CDH4: variants seen among roughly 807,000 people sequenced by gnomAD.
CDH4 encodes the protein cadherin 4, also known as cadherin-4.
CDH4 carries 33 observed loss-of-function variants against 86.0 expected under a neutral mutation model. The ratio of observed to expected loss-of-function variants is 0.38; its 90% CI spans 0.29 to 0.51. The LOEUF (loss-of-function observed/expected upper bound fraction) is 0.51. Among genes scored for constraint, CDH4 ranks in the 20% least tolerant of loss-of-function variants. The probability of loss-of-function intolerance (pLI) is 0.86; values close to 1 mark genes in which losing one functional copy is unlikely to be tolerated. For missense variants in CDH4, 1,114 were observed against 1,307.4 expected (o/e 0.85, Z 2.28); for synonymous variants, 555 against 549.4 (o/e 1.01, Z -0.14).
chr20:61,660,039 G>A (rs1050144531), intron 2 of CDH4, among the ~76,000 whole-genome samples: 4 of 144,508 alleles, frequency 2.8e-5, no homozygotes, highest in African/African-American at 7.3e-5. Flanking sequence ...TGTGATACCC[G>A]CTCCCAAGGG....
chr20:61,308,112 A>C (rs1225500183), intron 2 of CDH4, among the ~76,000 whole-genome samples: 2 of 152,188 alleles, frequency 1.3e-5, no homozygotes, highest in Non-Finnish European at 2.9e-5. Flanking sequence ...CCAGTGTGTC[A>C]GGGCTGAACC....
intron 2 of CDH4, among the ~76,000 whole-genome samples, chr20:61,583,594 G>A (rs900466142): frequency 1.2e-4 from 18 of 152,158 alleles, no homozygotes; most frequent in Admixed American, 4.6e-4. Flanking sequence ...CTGGGAGCCC[G>A]TGCCCTAGAG....
At chr20:61,353,893 A>G (rs1249363263) in intron 2 of CDH4, among the ~76,000 whole-genome samples, 1 of 151,566 alleles carries the variant, frequency 6.6e-6, no homozygotes, top group East Asian at 2.0e-4. Context: ...TTTGAGCATA[A>G]TGGAGAATGA....
At chr20:61,296,065 A>G (rs1568786407) in intron 2 of CDH4, among the ~76,000 whole-genome samples, 1 of 152,076 alleles carries the variant, frequency 6.6e-6, no homozygotes, top group Non-Finnish European at 1.5e-5. Context: ...CGGTGGGGCA[A>G]GGGGGAGTGG....
chr20:61,331,828 C>G (rs983648461), intron 2 of CDH4, among the ~76,000 whole-genome samples: 1 of 152,172 alleles, frequency 6.6e-6, no homozygotes, highest in Non-Finnish European at 1.5e-5. Flanking sequence ...GGCTTTCTGT[C>G]TCTTCCCCTG....
At chr20:61,827,792 C>T (rs539577491) in intron 4 of CDH4, among the ~76,000 whole-genome samples, 132 of 152,258 alleles carry the variant, frequency 8.7e-4, no homozygotes, top group African/African-American at 2.8e-3. Context: ...CACTCAGAGA[C>T]GACAGGGTCA....
At chr20:61,934,352 T>G in intron 15 of CDH4, 132 bp downstream of exon 15, 1 of 947,120 alleles carries the variant, frequency 1.1e-6, no homozygotes, top group South Asian at 1.9e-5. Flanking sequence ...AGACCCGGGT[T>G]CCAGGCCCTG....
chr20:61,932,975 T>TC lies in CDH4; in HGVS notation c.2240-5dup, dbSNP rs1361935653. On this transcript the variant is annotated splice_polypyrimidine_tract_variant and intron_variant, in intron 13 of 15. Coordinates refer to ENST00000614565, the MANE Select transcript of CDH4 (RefSeq NM_001794.5). ...AGCACACCCTGCTCACGGGCAGCCCTCCCCCACAGCCATGGTCCTGCTGTT... is the reference window on the plus strand; with the variant it reads ...AGCACACCCTGCTCACGGGCAGCCCTCCCCCCACAGCCATGGTCCTGCTGTT... 1 of 1,609,492 alleles carries TC rather than the reference T, an allele frequency of 6.2e-7. No homozygotes were observed. Among genetic ancestry groups the TC allele is most frequent in the East Asian group, 2.2e-5 (1 of 44,750 alleles).
At chr20:61,454,111 G>A (rs1266795047) in intron 2 of CDH4, among the ~76,000 whole-genome samples, 1 of 152,176 alleles carries the variant, frequency 6.6e-6, no homozygotes, top group Non-Finnish European at 1.5e-5. Flanking sequence ...CTAACACATG[G>A]CCATCCTGGT....
intron 4 of CDH4, among the ~76,000 whole-genome samples, chr20:61,822,031 G>A (rs1331084434): frequency 6.6e-6 from 1 of 152,246 alleles, no homozygotes; most frequent in East Asian, 1.9e-4. Flanking sequence ...TTTTTGGCTT[G>A]GATAGTTACT....
At chr20:61,845,400 C>T (rs1037898020) in intron 5 of CDH4, among the ~76,000 whole-genome samples, 26 of 152,202 alleles carry the variant, frequency 1.7e-4, no homozygotes, top group African/African-American at 5.3e-4. Flanking sequence ...CGTGGGGCTG[C>T]GGCCTCAGCT....
intron 2 of CDH4, among the ~76,000 whole-genome samples, chr20:61,697,566 C>A (rs2087727917): frequency 6.6e-6 from 1 of 152,154 alleles, no homozygotes; most frequent in Admixed American, 6.5e-5. Context: ...CCACTGCACT[C>A]CAGCCTGGGC....
chr20:61,274,865 G>T (rs1221580921), intron 2 of CDH4, among the ~76,000 whole-genome samples: 1 of 140,492 alleles, frequency 7.1e-6, no homozygotes, highest in Non-Finnish European at 1.5e-5. Context: ...GCATGCGGTT[G>T]TTTGGGAGAG....
Position 61,508,086 on chromosome 20 carries a change from C to T in CDH4, c.170-235477C>T, listed in dbSNP as rs371418541. 1.1e-4 allele frequency among the ~76,000 whole-genome samples: 16 copies of T among 152,294 alleles called. No individual in the cohort carries two copies. In the South Asian group the frequency reaches 2.9e-3, roughly 28 times the overall value. On this transcript the variant is annotated intron_variant, in intron 2 of 15. Transcript: ENST00000614565. The stretch of plus-strand genomic sequence containing the variant: ...ATTCAAGTTTGCTGCGTGCATTTTC[C>T]CTTCATGTTGTACAAACATAAGCAT...
intron 2 of CDH4, among the ~76,000 whole-genome samples, chr20:61,462,889 G>T (rs2145560485): frequency 6.6e-6 from 1 of 152,330 alleles, no homozygotes; most frequent in East Asian, 1.9e-4. Context: ...CAAAGGGGAT[G>T]AAGCAGGAGG....
intron 2 of CDH4, among the ~76,000 whole-genome samples, chr20:61,727,243 A>G (rs938283165): frequency 9.9e-5 from 15 of 151,936 alleles, no homozygotes; most frequent in Non-Finnish European, 2.2e-4. Flanking sequence ...AGCCATCACC[A>G]TCAGTGCCAT....
intron 2 of CDH4, among the ~76,000 whole-genome samples, chr20:61,372,926 G>C (rs2084848279): frequency 6.6e-6 from 1 of 152,256 alleles, no homozygotes; most frequent in Non-Finnish European, 1.5e-5. Context: ...GCGTGGACAC[G>C]CAACCCCAGC....
At chr20:61,884,346 C>T (rs183629089) in intron 7 of CDH4, among the ~76,000 whole-genome samples, 1 of 152,350 alleles carries the variant, frequency 6.6e-6, no homozygotes, top group African/African-American at 2.4e-5. Flanking sequence ...ACGCAGCAAC[C>T]CGGACAGCTA....
chr20:61,570,446 A>C, intron 2 of CDH4: 1 of 544,492 alleles, frequency 1.8e-6, no homozygotes. Context: ...TGCTGCCTTG[A>C]GCTTGACCCG....
Sources: gnomAD v4.1 joint callset for allele counts (sites outside exome capture counted in the v4.1 genomes callset) on GRCh38, gnomAD v4.1.1 for gene constraint, MANE v1.5 for transcripts, NCBI Gene and HGNC (gene_info 2026-07-23, HGNC 2026-07-21) for gene names.